The following ZNF540 variants were observed in gnomAD, a reference collection of about 807,000 sequenced individuals.
ZNF540 encodes CTD-3064H18.6.
ZNF540 carries 3 observed loss-of-function variants against 11.8 expected under a neutral mutation model. That is an observed-to-expected ratio of 0.25 (90% CI 0.12 to 0.65). ZNF540 has a LOEUF of 0.65. ZNF540 is among the 30% of genes least tolerant of loss of function. ZNF540 has a pLI of 0.83. For synonymous variants in ZNF540, 247 were observed against 259.0 expected (o/e 0.95, Z 0.45); for missense variants, 709 against 793.1 (o/e 0.89, Z 1.27).
At chr19:37,578,894 C>CA (rs1394390572) in intron 1 of ZNF540, among the ~76,000 whole-genome samples, 1 of 152,228 alleles carries the variant, frequency 6.6e-6, no homozygotes, top group Non-Finnish European at 1.5e-5. Flanking sequence ...TAACAGATAA[C>CA]ACTTGGCACC....
intron 4 of ZNF540, among the ~76,000 whole-genome samples, chr19:37,604,675 G>T (rs915598973): frequency 6.6e-6 from 1 of 151,948 alleles, no homozygotes; most frequent in Non-Finnish European, 1.5e-5. Flanking sequence ...TTCATTAATT[G>T]TATCTGTTTA....
chr19:37,567,854 ATG>A (rs1386243351), intron 1 of ZNF540: 1 of 152,196 alleles, frequency 6.6e-6, no homozygotes, highest in East Asian at 1.9e-4. Flanking sequence ...CAAGCTCTAC[ATG>A]TGTAGGGGGA....
Position 37,611,575 on chromosome 19 carries a change from T to G in ZNF540, c.295T>G (p.Leu99Val), listed in dbSNP as rs756890047. 1 of 1,611,494 alleles carries G rather than the reference T, an allele frequency of 6.2e-7. No homozygotes were observed. Among genetic ancestry groups the G allele is most frequent in the Non-Finnish European group, 8.5e-7 (1 of 1,179,236 alleles). The change falls in exon 5 of 5, where the codon TTA becomes GTA. Residue 99 changes from leucine (L) to valine (V), a missense_variant. Coordinates refer to ENST00000316433, the MANE Select transcript of ZNF540 (RefSeq NM_001172225.3). ...SSEKDIHEISLSKESIIEKSK... is the reference protein window; with the variant it reads ...SSEKDIHEISVSKESIIEKSK... The stretch of plus-strand genomic sequence containing the variant: ...AGAAAAGGACATTCATGAAATCAGT[T>G]TATCCAAAGAGAGTATAATAGAAAA...
chr19:37,581,203 T>G (rs929105956), intron 1 of ZNF540, among the ~76,000 whole-genome samples: 28 of 152,236 alleles, frequency 1.8e-4, no homozygotes, highest in African/African-American at 6.8e-4. Context: ...ATTTATATTC[T>G]AATCATTTCA....
intron 1 of ZNF540, chr19:37,564,533 C>T: frequency 2.9e-6 from 4 of 1,400,006 alleles, no homozygotes; most frequent in Non-Finnish European, 3.8e-6. Context: ...GCAAGATGTT[C>T]TACATTCATT....
chr19:37,611,644 T>C lies in ZNF540; in HGVS notation c.364T>C (p.Trp122Arg), dbSNP rs562106881. ...GAAAGGATCCATTTTTAGAAATGAG[T>C]GGCAGAACAAAAGTGAGTTTGAGGG... ...RLKGSIFRNE[W>R]QNKSEFEGQQ... is the part of the protein sequence containing the mutation. The change falls in exon 5 of 5, where the codon TGG becomes CGG. Residue 122 changes from tryptophan (W) to arginine (R), a missense_variant. Coordinates refer to ENST00000316433, the MANE Select transcript of ZNF540 (RefSeq NM_001172225.3). The C allele has an allele frequency of 3.1e-6, 5 of 1,613,886 alleles. 1 individual carries two copies. The South Asian group carries it at 4.4e-5, about 14-fold the overall frequency.
intron 1 of ZNF540, chr19:37,563,782 AT>A (rs2042756225): frequency 1.9e-4 from 2 of 10,522 alleles, no homozygotes; most frequent in East Asian, 0.016. Context: ...TGTGGAATAT[AT>A]GTATATATTC....
intron 1 of ZNF540, chr19:37,566,545 C>A: frequency 2.8e-6 from 1 of 357,470 alleles, no homozygotes; most frequent in Non-Finnish European, 5.0e-6. Context: ...TAGAGACACC[C>A]AGGAGGCTTA....
At chr19:37,577,985 C>T (rs1277454491) in intron 1 of ZNF540, among the ~76,000 whole-genome samples, 1 of 152,162 alleles carries the variant, frequency 6.6e-6, no homozygotes, top group African/African-American at 2.4e-5. Flanking sequence ...TGAGCTCCGC[C>T]TCCGGTCAGA....
intron 1 of ZNF540, among the ~76,000 whole-genome samples, chr19:37,589,124 C>T (rs1256879557): frequency 6.8e-6 from 1 of 146,510 alleles, no homozygotes; most frequent in Non-Finnish European, 1.5e-5. Context: ...CGTTTGAACC[C>T]AGTAGGCGGA....
chr19:37,575,992 T>G (rs148665260), intron 1 of ZNF540, among the ~76,000 whole-genome samples: 1 of 152,036 alleles, frequency 6.6e-6, no homozygotes, highest in Non-Finnish European at 1.5e-5. Context: ...TTGCCAAACT[T>G]CAAAACAGGA....
At position 37,613,196 on chromosome 19, in the gene ZNF540, T is replaced by A. The variant is rs1478441820; in HGVS notation, c.1916T>A (p.Val639Glu). ...HTGEKPYECK[V>E]CRKAFRQYSH... ...GGTGAGAAACCCTATGAGTGTAAGG[T>A]ATGTAGAAAGGCCTTTAGACAATAT... The change falls in exon 5 of 5, where the codon GTA becomes GAA. Residue 639 changes from valine to glutamate, a missense_variant. Transcript: ENST00000316433. 3 of 1,597,424 alleles carry A rather than the reference T, an allele frequency of 1.9e-6. No homozygotes were observed. Among genetic ancestry groups the A allele is most frequent in the Non-Finnish European group, 2.6e-6 (3 of 1,171,554 alleles).
Position 37,572,816 on chromosome 19 carries a change from A to G in ZNF540, c.-73+21151A>G, listed in dbSNP as rs144670053. Among the ~76,000 whole-genome samples the G allele has an allele frequency of 2.0e-3, 303 of 152,316 alleles. 1 individual carries two copies. The highest frequency in any genetic ancestry group is 7.0e-3 in the African/African-American group (293 of 41,570). On this transcript the variant is annotated intron_variant, in intron 1 of 4. Coordinates refer to the ZNF540 transcript ENST00000592533. Reference sequence around the variant, plus strand: ...TTTTACTTACCAACTTATTTTTACCAATTACTATAACTATTTACAAAAATA... The same window carrying G: ...TTTTACTTACCAACTTATTTTTACCGATTACTATAACTATTTACAAAAATA...
rs1174503067 is a variant in ZNF540, at chr19:37,569,504, CAT to C, written c.-73+17841_-73+17842del. Among the ~76,000 whole-genome samples, 1 of 152,102 alleles carries C rather than the reference CAT, an allele frequency of 6.6e-6. No individual in the cohort carries two copies. Among genetic ancestry groups the C allele is most frequent in the African/African-American group, 2.4e-5 (1 of 41,420 alleles). On this transcript the variant is annotated intron_variant, in intron 1 of 4. Coordinates refer to the ZNF540 transcript ENST00000592533. The surrounding 1 kb of genome is among the most constrained non-coding windows in gnomAD (Gnocchi z 4.4). ...TTATGACTGAGTACACACACTCAAA[CAT>C]AAAACAAGGATGTCATAAAATTATC...
At chr19:37,610,649 A>G (rs1048994135) in intron 4 of ZNF540, among the ~76,000 whole-genome samples, 1 of 152,230 alleles carries the variant, frequency 6.6e-6, no homozygotes, top group South Asian at 2.1e-4. Context: ...TTATGACACA[A>G]TCGAGGAGCT....
At position 37,576,179 on chromosome 19, in the gene ZNF540, A is replaced by G. The variant is rs372828925; in HGVS notation, c.-72-22197A>G. 3.3e-5 allele frequency among the ~76,000 whole-genome samples: 5 copies of G among 152,330 alleles called. No individual in the cohort carries two copies. The East Asian group carries it at 7.7e-4, about 23-fold the overall frequency. On this transcript the variant is annotated intron_variant, in intron 1 of 4. Coordinates refer to the ZNF540 transcript ENST00000592533. ...AAGTTTGTTTTTTACTAAATTTACT[A>G]AAAAATCCACCAATAATGACACAGC... is the stretch of plus-strand genomic sequence containing the variant.
At chr19:37,554,113 A>G (rs1022476150) in intron 1 of ZNF540, among the ~76,000 whole-genome samples, 46 of 152,312 alleles carry the variant, frequency 3.0e-4, no homozygotes, top group Middle Eastern at 3.4e-3. Flanking sequence ...TGAGCATAGT[A>G]GCTGACAGTT....
chr19:37,554,875 T>C (rs1446942090), intron 1 of ZNF540: 1 of 152,210 alleles, frequency 6.6e-6, no homozygotes, highest in Non-Finnish European at 1.5e-5. Context: ...TTTTCTTTTA[T>C]ACTTTGGTTT....
intron 1 of ZNF540, among the ~76,000 whole-genome samples, chr19:37,556,686 T>G (rs1301087695): frequency 1.3e-5 from 2 of 152,200 alleles, no homozygotes; most frequent in African/African-American, 4.8e-5. Flanking sequence ...CTGTAATAAA[T>G]TCTTTTGTGA....
Sources: allele counts gnomAD v4.1 joint callset (sites outside exome capture counted in the v4.1 genomes callset), GRCh38; gene constraint gnomAD v4.1.1; non-coding constraint Gnocchi (gnomAD v3.1); transcripts MANE v1.5; gene names NCBI Gene and HGNC (gene_info 2026-07-23, HGNC 2026-07-21).